Variants in CCDC138 observed in about 807,000 individuals in gnomAD.
CCDC138 encodes the protein coiled-coil domain-containing protein 138.
In CCDC138, 66 loss-of-function variants were observed where a neutral mutation model predicts 82.3. The ratio of observed to expected loss-of-function variants is 0.80; its 90% CI spans 0.66 to 0.98. The LOEUF (loss-of-function observed/expected upper bound fraction) is 0.98. Among genes scored for constraint, CCDC138 ranks in the 50% least tolerant of loss-of-function variants. CCDC138 has a pLI of 0.00. For missense variants in CCDC138, 816 were observed against 758.9 expected (o/e 1.08, Z -0.88); for synonymous variants, 297 against 265.4 (o/e 1.12, Z -1.16).
chr2:108,813,931 A>G (rs1214356862), intron 9 of CCDC138, among the ~76,000 whole-genome samples: 1 of 152,120 alleles, frequency 6.6e-6, no homozygotes, highest in African/African-American at 2.4e-5. Context: ...TTTGTTCCTT[A>G]CTATTGCTCA....
At chr2:108,840,401 A>T (rs539884556) in intron 11 of CCDC138, among the ~76,000 whole-genome samples, 2 of 152,290 alleles carry the variant, frequency 1.3e-5, no homozygotes, top group South Asian at 4.1e-4. Flanking sequence ...AATTATGTAG[A>T]CTAAGTGTTC....
intron 13 of CCDC138, among the ~76,000 whole-genome samples, chr2:108,858,528 G>C (rs968378112): frequency 6.6e-6 from 1 of 152,112 alleles, no homozygotes; most frequent in Non-Finnish European, 1.5e-5. Flanking sequence ...TTACTTGCTT[G>C]AATTTTAATG....
Position 108,873,559 on chromosome 2 carries a change from G to A in CCDC138, c.1802G>A (p.Ser601Asn), listed in dbSNP as rs781716615. Residue 601 changes from serine (S) to asparagine (N), a missense_variant, in exon 14 of 15, where the codon AGT (serine) becomes AAT (asparagine). Coordinates refer to ENST00000295124, the MANE Select transcript of CCDC138 (RefSeq NM_144978.3). Reference protein sequence around the residue: ...KLDLQILEKLSIILQKLSKIK... With the variant: ...KLDLQILEKLNIILQKLSKIK... ...GATCTTCAAATACTAGAAAAACTCAGTATTATTTTACAGAAACTTTCCAAA... is the reference window on the plus strand; with the variant it reads ...GATCTTCAAATACTAGAAAAACTCAATATTATTTTACAGAAACTTTCCAAA... 5 of 1,609,194 alleles carry A rather than the reference G, an allele frequency of 3.1e-6. No homozygotes were observed. Among genetic ancestry groups the A allele is most frequent in the Non-Finnish European group, 4.2e-6 (5 of 1,177,938 alleles).
At chr2:108,874,711 A>G (rs1373311779) in intron 14 of CCDC138, among the ~76,000 whole-genome samples, 1 of 152,118 alleles carries the variant, frequency 6.6e-6, no homozygotes, top group Non-Finnish European at 1.5e-5. Flanking sequence ...ATTGTAATAA[A>G]TTATTGTCAA....
chr2:108,803,769 CAGTT>C (rs1288949007), intron 6 of CCDC138, among the ~76,000 whole-genome samples: 1 of 152,118 alleles, frequency 6.6e-6, no homozygotes, highest in East Asian at 1.9e-4. Context: ...TCACAGTTGT[CAGTT>C]AGTTGTTTTA....
intron 13 of CCDC138, among the ~76,000 whole-genome samples, chr2:108,870,501 A>G (rs1277925919): frequency 6.6e-6 from 1 of 152,226 alleles, no homozygotes; most frequent in Non-Finnish European, 1.5e-5. Context: ...CTACAAATCA[A>G]AGAAACTCAA....
At chr2:108,847,305 T>A (rs1352859329) in intron 12 of CCDC138, among the ~76,000 whole-genome samples, 1 of 152,232 alleles carries the variant, frequency 6.6e-6, no homozygotes, top group Non-Finnish European at 1.5e-5. Flanking sequence ...AAATGAAGTT[T>A]TCTCCCACAA....
At chr2:108,831,700 TCTTCCTTC>T (rs71383803) in intron 10 of CCDC138, among the ~76,000 whole-genome samples, 2,570 of 145,258 alleles carry the variant, frequency 0.018, 29 homozygotes, top group Non-Finnish European at 0.028. Context: ...TGGCACAGAA[TCTTCCTTC>T]CTTCCTTCCT....
chr2:108,814,659 T>G (rs1419652540), intron 9 of CCDC138, among the ~76,000 whole-genome samples: 3 of 151,224 alleles, frequency 2.0e-5, no homozygotes, highest in Non-Finnish European at 4.4e-5. Context: ...TTTTTTAATT[T>G]ATTAATATTT....
intron 3 of CCDC138, among the ~76,000 whole-genome samples, chr2:108,790,428 C>T (rs1172462773): frequency 1.3e-5 from 2 of 152,088 alleles, no homozygotes; most frequent in Admixed American, 1.3e-4. Flanking sequence ...ACTATGCTGT[C>T]CAGCACAGTA....
chr2:108,876,911 G>C (rs1696058051), downstream of CCDC138, among the ~76,000 whole-genome samples: 1 of 152,178 alleles, frequency 6.6e-6, no homozygotes, highest in Non-Finnish European at 1.5e-5. Flanking sequence ...AGCCAAAGAT[G>C]AGTAAAGTGG....
intron 4 of CCDC138, among the ~76,000 whole-genome samples, chr2:108,793,733 A>G (rs964420329): frequency 2.6e-5 from 4 of 151,622 alleles, no homozygotes; most frequent in Non-Finnish European, 4.4e-5. Context: ...AGTAGCTGGG[A>G]CTACAGGCAC....
chr2:108,793,098 C>T (rs1219397592), intron 4 of CCDC138, among the ~76,000 whole-genome samples: 17 of 149,510 alleles, frequency 1.1e-4, no homozygotes, highest in Admixed American at 1.1e-3. Context: ...TGGCTCGTGC[C>T]TGTAATCCCA....
At chr2:108,831,342 G>A (rs1687574614) in intron 10 of CCDC138, among the ~76,000 whole-genome samples, 1 of 152,152 alleles carries the variant, frequency 6.6e-6, no homozygotes, top group Non-Finnish European at 1.5e-5. Context: ...GCCACCCTAT[G>A]AATGAGGACC....
chr2:108,844,236 A>G (rs1690066845), intron 11 of CCDC138, among the ~76,000 whole-genome samples: 1 of 151,870 alleles, frequency 6.6e-6, no homozygotes, highest in Admixed American at 6.6e-5. Flanking sequence ...ATGTTTTGCT[A>G]TTCCTTGAAG....
In CCDC138 at chr2:108,807,013, C is replaced by A. The variant is rs371400373; in HGVS notation, c.855+2005C>A. 3.9e-5 allele frequency among the ~76,000 whole-genome samples: 6 copies of A among 152,224 alleles called. No individual in the cohort carries two copies. The East Asian group carries it at 1.2e-3, about 29-fold the overall frequency. ...GCCTTGATTAAGTGCAGTTCCTGAT[C>A]AGATTAAGGTGCTTACTCCTCAGTT... On this transcript the variant is annotated intron_variant, in intron 7 of 14. Coordinates refer to ENST00000295124, the MANE Select transcript of CCDC138 (RefSeq NM_144978.3).
At chr2:108,833,417 ATC>A (rs1316727096) in intron 10 of CCDC138, among the ~76,000 whole-genome samples, 2 of 152,168 alleles carry the variant, frequency 1.3e-5, no homozygotes, top group African/African-American at 4.8e-5. Context: ...TAAAAACAAG[ATC>A]TGTTAGTTTA....
At chr2:108,877,889 G>C (rs11904769), downstream of CCDC138, among the ~76,000 whole-genome samples, 132,796 of 152,156 alleles carry the variant, frequency 0.87, 58,331 homozygotes, top group East Asian at 1. Flanking sequence ...CAGTTACTTA[G>C]AAGAAAGGAA....
intron 10 of CCDC138, among the ~76,000 whole-genome samples, chr2:108,828,662 G>A (rs77416368): frequency 0.022 from 3,300 of 152,240 alleles, 113 homozygotes; most frequent in African/African-American, 0.076. Context: ...AAATGAGTAT[G>A]AGCCTTACCT....
Sources: allele counts gnomAD v4.1 joint callset (sites outside exome capture counted in the v4.1 genomes callset), GRCh38; gene constraint gnomAD v4.1.1; transcripts MANE v1.5; gene names NCBI Gene and HGNC (gene_info 2026-07-23, HGNC 2026-07-21).